The following EPHA6 variants were observed in gnomAD, a reference collection of about 807,000 sequenced individuals.
EPHA6 encodes EPH receptor A6.
A neutral mutation model predicts 112.0 loss-of-function variants in EPHA6; 50 were observed. The ratio of observed to expected loss-of-function variants is 0.45; its 90% CI spans 0.36 to 0.56. EPHA6 has a LOEUF of 0.56. Among genes scored for constraint, EPHA6 ranks in the 20% least tolerant of loss-of-function variants. EPHA6 has a pLI of 0.00. For missense variants in EPHA6, 1,280 were observed against 1,417.4 expected (o/e 0.90, Z 1.56); for synonymous variants, 529 against 490.7 (o/e 1.08, Z -1.03).
At chr3:97,263,105 G>A (rs2079554342) in intron 5 of EPHA6, among the ~76,000 whole-genome samples, 1 of 152,106 alleles carries the variant, frequency 6.6e-6, no homozygotes, top group Admixed American at 6.6e-5. Context: ...TGTATAATTA[G>A]CATTTTGTAT....
chr3:96,938,892 A>C (rs974681787), intron 2 of EPHA6, among the ~76,000 whole-genome samples: 19 of 152,228 alleles, frequency 1.2e-4, no homozygotes, highest in Non-Finnish European at 2.9e-5. Flanking sequence ...GGTTCTGTTT[A>C]CATGCTGGAT....
At chr3:97,130,194 T>G (rs2048300754) in intron 3 of EPHA6, among the ~76,000 whole-genome samples, 1 of 152,126 alleles carries the variant, frequency 6.6e-6, no homozygotes, top group South Asian at 2.1e-4. Context: ...CTTTTGATAT[T>G]TTCTCTCTTG....
Position 97,506,682 on chromosome 3 carries a change from C to T in EPHA6, c.2200+22623C>T, listed in dbSNP as rs187305382. 4.2e-3 allele frequency among the ~76,000 whole-genome samples: 622 copies of T among 147,684 alleles called. 4 individuals are homozygous for T. The highest frequency in any genetic ancestry group is 0.014 in the African/African-American group (563 of 40,974). On this transcript the variant is annotated intron_variant, in intron 10 of 17. Transcript: ENST00000389672. ...CTCTACAGGCTCTTTTTTAATTCCA[C>T]GTAGTTGTTTCTAATTCTGTGAAGA...
chr3:97,092,828 TTTAG>T lies in EPHA6; in HGVS notation c.1114+104840_1114+104843del, dbSNP rs1331430451. On this transcript the variant is annotated intron_variant, in intron 3 of 17. Coordinates refer to ENST00000389672, the MANE Select transcript of EPHA6 (RefSeq NM_001080448.3). ...CCATGTTTCACTATTTATTGGCTGT[TTTAG>T]TTAGAGTTACACAATTGCAAAAAAA... Among the ~76,000 whole-genome samples the T allele has an allele frequency of 2.0e-5, 3 of 150,872 alleles. No homozygotes were observed. In the East Asian group the frequency reaches 5.8e-4, roughly 29 times the overall value.
intron 3 of EPHA6, among the ~76,000 whole-genome samples, chr3:96,988,638 T>G (rs2043106759): frequency 6.6e-6 from 1 of 152,158 alleles, no homozygotes; most frequent in Non-Finnish European, 1.5e-5. Context: ...GTGTTATGTA[T>G]GATGTTTGGT....
chr3:97,688,750 G>A (rs1245789985), intron 14 of EPHA6, among the ~76,000 whole-genome samples: 1 of 150,906 alleles, frequency 6.6e-6, no homozygotes, highest in African/African-American at 2.4e-5. Flanking sequence ...AGAAAAAAAA[G>A]TAACGTACTT....
intron 3 of EPHA6, among the ~76,000 whole-genome samples, chr3:97,086,219 G>C (rs946721017): frequency 2.6e-5 from 4 of 151,848 alleles, no homozygotes; most frequent in Non-Finnish European, 4.4e-5. Flanking sequence ...CAAATTATTG[G>C]ATTAATGCAA....
chr3:97,036,404 T>A (rs2108036929), intron 3 of EPHA6, among the ~76,000 whole-genome samples: 1 of 152,130 alleles, frequency 6.6e-6, no homozygotes, highest in Non-Finnish European at 1.5e-5. Context: ...AGTATCCCCA[T>A]TATTAATGTT....
At position 97,382,386 on chromosome 3, in the gene EPHA6, G is replaced by A. The variant is rs373176210; in HGVS notation, c.1607-22764G>A. On this transcript the variant is annotated intron_variant, in intron 5 of 17. Transcript: ENST00000389672. ...GCCCTGCTTAGATGAATAAAACATAGCATTTTGTTCTTTGTGTTTGCTAGT... is the reference window on the plus strand; with the variant it reads ...GCCCTGCTTAGATGAATAAAACATAACATTTTGTTCTTTGTGTTTGCTAGT... Among the ~76,000 whole-genome samples the A allele has an allele frequency of 2.1e-4, 32 of 152,050 alleles. 1 individual carries two copies. The South Asian group carries it at 6.2e-3, about 30-fold the overall frequency.
intron 10 of EPHA6, among the ~76,000 whole-genome samples, chr3:97,524,017 A>G (rs1469749650): frequency 6.6e-6 from 1 of 152,034 alleles, no homozygotes; most frequent in Non-Finnish European, 1.5e-5. Flanking sequence ...GAGGGAAAAT[A>G]TTATTGGATC....
chr3:97,158,068 A>T (rs1453891686), intron 3 of EPHA6, among the ~76,000 whole-genome samples: 1 of 152,192 alleles, frequency 6.6e-6, no homozygotes, highest in Non-Finnish European at 1.5e-5. Context: ...AACATGTTAC[A>T]GTTATCCTGT....
intron 2 of EPHA6, among the ~76,000 whole-genome samples, chr3:96,968,382 G>A (rs191694368): frequency 7.3e-6 from 1 of 136,476 alleles, no homozygotes; most frequent in African/African-American, 3.3e-5. Flanking sequence ...AGAGAAAATG[G>A]TAAAAGCACA....
chr3:96,845,014 A>G (rs956904310), intron 1 of EPHA6, among the ~76,000 whole-genome samples: 13 of 152,006 alleles, frequency 8.6e-5, no homozygotes, highest in African/African-American at 2.4e-4. Context: ...TGTACATCCC[A>G]TGAAAGTGTA....
intron 11 of EPHA6, among the ~76,000 whole-genome samples, chr3:97,548,679 T>C (rs2092990793): frequency 6.6e-6 from 1 of 152,228 alleles, no homozygotes; most frequent in Admixed American, 6.5e-5. Context: ...AGAATGCATG[T>C]GAAATTCATC....
At chr3:97,181,597 G>GTA (rs533751030) in intron 3 of EPHA6, among the ~76,000 whole-genome samples, 4,244 of 151,544 alleles carry the variant, frequency 0.028, 191 homozygotes, top group African/African-American at 0.093. Flanking sequence ...GTGTGTGTGT[G>GTA]TATATATGTG....
chr3:97,417,107 T>G (rs73851242), intron 6 of EPHA6, among the ~76,000 whole-genome samples: 1 of 152,214 alleles, frequency 6.6e-6, no homozygotes, highest in African/African-American at 2.4e-5. Context: ...ATGTCCTTGA[T>G]GAAATGTATT....
chr3:97,292,971 A>G (rs2080744766), intron 5 of EPHA6, among the ~76,000 whole-genome samples: 1 of 151,632 alleles, frequency 6.6e-6, no homozygotes, highest in African/African-American at 2.4e-5. Flanking sequence ...TCCAGTTCTC[A>G]GTGAAGAGAA....
At chr3:97,655,974 TG>T (rs949123242) in intron 14 of EPHA6, among the ~76,000 whole-genome samples, 5 of 151,926 alleles carry the variant, frequency 3.3e-5, no homozygotes, top group African/African-American at 1.2e-4. Context: ...CACCTCAAAA[TG>T]TTTTTTTTTT....
At chr3:97,289,888 T>G (rs2080616934) in intron 5 of EPHA6, among the ~76,000 whole-genome samples, 1 of 152,136 alleles carries the variant, frequency 6.6e-6, no homozygotes, top group African/African-American at 2.4e-5. Context: ...TTGATCTTGT[T>G]TATCCTTTCA....
Sources: allele counts gnomAD v4.1 joint callset (sites outside exome capture counted in the v4.1 genomes callset), GRCh38; gene constraint gnomAD v4.1.1; transcripts MANE v1.5; gene names NCBI Gene and HGNC (gene_info 2026-07-23, HGNC 2026-07-21).